TNR: variants seen among roughly 807,000 people sequenced by gnomAD.
TNR encodes tenascin R.
In TNR, 45 loss-of-function variants were observed where a neutral mutation model predicts 150.4. The observed-to-expected ratio is 0.30, with a 90% CI of 0.24 to 0.38. The LOEUF is 0.38. Ranked by LOEUF, TNR falls within the 10% of genes least tolerant of loss-of-function variation. The probability of loss-of-function intolerance (pLI) is 1.00; values close to 1 mark genes in which losing one functional copy is unlikely to be tolerated. For missense variants in TNR, 1,544 were observed against 1,759.1 expected (o/e 0.88, Z 2.19); for synonymous variants, 687 against 678.4 (o/e 1.01, Z -0.20).
At chr1:175,407,618 G>A (rs998222659) in intron 2 of TNR, among the ~76,000 whole-genome samples, 5 of 152,200 alleles carry the variant, frequency 3.3e-5, no homozygotes, top group Non-Finnish European at 7.3e-5. Flanking sequence ...AAAAGTTAGA[G>A]CTACTAAGAA....
chr1:175,319,641 T>C lies in TNR; in HGVS notation c.*3716A>G, dbSNP rs2101974081. 6.6e-6 allele frequency: 1 copy of C among 152,422 alleles called. No homozygotes were observed. The allele number at this position is 152,422 out of a possible 1,614,324, so 9.4% of individuals were successfully genotyped here. On this transcript the variant is annotated 3_prime_UTR_variant, in exon 23 of 23. Transcript: ENST00000367674. ...ACAGGTGGATTCAAATATTTGTAGA[T>C]GTTTGCTTTGCATTTCCTTGCTGCC...
chr1:175,438,015 C>T (rs538311725), intron 2 of TNR, among the ~76,000 whole-genome samples: 8 of 152,292 alleles, frequency 5.3e-5, no homozygotes, highest in Admixed American at 3.9e-4. Context: ...GGAATCCGCC[C>T]TAACTCATTT....
At chr1:175,654,096 G>A (rs1665097655) in intron 1 of TNR, among the ~76,000 whole-genome samples, 1 of 152,144 alleles carries the variant, frequency 6.6e-6, no homozygotes. Flanking sequence ...AAAGCACACT[G>A]GTTTGATGCT....
chr1:175,542,032 C>T (rs970372676), intron 1 of TNR, among the ~76,000 whole-genome samples: 1 of 152,102 alleles, frequency 6.6e-6, no homozygotes, highest in Non-Finnish European at 1.5e-5. Flanking sequence ...ATCAGAAGAA[C>T]CTCCTGGCAC....
At position 175,712,099 on chromosome 1, in the gene TNR, T is replaced by C. The variant is rs574377897; in HGVS notation, c.-165+31127A>G. Among the ~76,000 whole-genome samples, 128 of 152,296 alleles carry C rather than the reference T, an allele frequency of 8.4e-4. No homozygotes were observed. In the Middle Eastern group the frequency reaches 0.014, roughly 16 times the overall value. ...ACTGCCATCATCTCTACCCCACTAT[T>C]GATAACTGCTATGTGCCAGGCACTG... On this transcript the variant is annotated intron_variant, in intron 1 of 22. Coordinates refer to ENST00000367674, the MANE Select transcript of TNR (RefSeq NM_003285.3).
At chr1:175,475,993 A>G (rs1211736215) in intron 2 of TNR, among the ~76,000 whole-genome samples, 2 of 152,236 alleles carry the variant, frequency 1.3e-5, no homozygotes, top group Non-Finnish European at 2.9e-5. Context: ...AAAGCCAATG[A>G]TGTGAACAAA....
intron 1 of TNR, among the ~76,000 whole-genome samples, chr1:175,726,521 A>C (rs1667484644): frequency 6.6e-6 from 1 of 152,254 alleles, no homozygotes; most frequent in African/African-American, 2.4e-5. Context: ...GGTGTTGTTC[A>C]GTGAGTTTTC....
intron 1 of TNR, among the ~76,000 whole-genome samples, chr1:175,622,633 T>C (rs1664017398): frequency 6.6e-6 from 1 of 152,186 alleles, no homozygotes; most frequent in South Asian, 2.1e-4. Context: ...CCCAGAACTC[T>C]CTAGACTGCT....
intron 20 of TNR, among the ~76,000 whole-genome samples, chr1:175,331,050 T>TTTCTTTCTTTCCTTCCTTCCTTCC: frequency 2.2e-4 from 21 of 95,808 alleles, no homozygotes; most frequent in African/African-American, 8.7e-4. Flanking sequence ...TCTTTCTTTC[T>TTTCTTTCTTTCCTTCCTTCCTTCC]TTCTTTCTTT....
At chr1:175,324,827 C>T (rs530395065) in intron 21 of TNR, among the ~76,000 whole-genome samples, 3 of 151,310 alleles carry the variant, frequency 2.0e-5, no homozygotes, top group Non-Finnish European at 2.9e-5. Flanking sequence ...CCAGCCTGTA[C>T]GTGGACACAG....
intron 18 of TNR, among the ~76,000 whole-genome samples, chr1:175,351,942 G>A (rs1192080359): frequency 6.6e-6 from 1 of 152,338 alleles, no homozygotes; most frequent in South Asian, 2.1e-4. Context: ...GTCAACTGGA[G>A]TCTTGTAAAC....
chr1:175,512,598 C>T (rs917429829), intron 2 of TNR, among the ~76,000 whole-genome samples: 2 of 152,150 alleles, frequency 1.3e-5, no homozygotes, highest in African/African-American at 4.8e-5. Context: ...ATATTCTCTG[C>T]CTAGGAATTT....
chr1:175,485,788 C>G (rs1657988205), intron 2 of TNR, among the ~76,000 whole-genome samples: 1 of 152,170 alleles, frequency 6.6e-6, no homozygotes, highest in African/African-American at 2.4e-5. Flanking sequence ...GCACGGCGAG[C>G]TTGCAATGGC....
At chr1:175,686,636 T>A (rs188845102) in intron 1 of TNR, among the ~76,000 whole-genome samples, 2 of 152,300 alleles carry the variant, frequency 1.3e-5, no homozygotes, top group East Asian at 3.9e-4. Flanking sequence ...TTAACCCTTG[T>A]CCCCTCCATC....
At chr1:175,636,854 AC>A (rs1231310618) in intron 1 of TNR, among the ~76,000 whole-genome samples, 1 of 152,224 alleles carries the variant, frequency 6.6e-6, no homozygotes, top group East Asian at 1.9e-4. Context: ...AAAAAGAATG[AC>A]AATATGTCAA....
chr1:175,365,758 C>T (rs2102014046), intron 11 of TNR, 117 bp downstream of exon 11: 1 of 1,434,598 alleles, frequency 7.0e-7, no homozygotes, highest in Non-Finnish European at 9.4e-7. Flanking sequence ...CTTTTCTACC[C>T]ACCTCTCTTT....
At chr1:175,699,859 A>G (rs1036461153) in intron 1 of TNR, among the ~76,000 whole-genome samples, 3 of 151,978 alleles carry the variant, frequency 2.0e-5, no homozygotes, top group African/African-American at 7.2e-5. Flanking sequence ...GCTTGTGTGC[A>G]TTTCCAAGAA....
intron 2 of TNR, among the ~76,000 whole-genome samples, chr1:175,427,888 C>CCCTTCCTT (rs765901559): frequency 2.2e-4 from 14 of 63,438 alleles, no homozygotes; most frequent in African/African-American, 7.5e-4. Flanking sequence ...CTCCCTTCTT[C>CCCTTCCTT]GCTTCCTTCC....
chr1:175,508,094 A>C (rs1659029586), intron 2 of TNR, among the ~76,000 whole-genome samples: 2 of 152,038 alleles, frequency 1.3e-5, no homozygotes, highest in South Asian at 2.1e-4. Context: ...GAAAGATCAC[A>C]CAGGAGGGTC....
Sources: allele counts gnomAD v4.1 joint callset (sites outside exome capture counted in the v4.1 genomes callset), GRCh38; gene constraint gnomAD v4.1.1; transcripts MANE v1.5; gene names NCBI Gene and HGNC (gene_info 2026-07-23, HGNC 2026-07-21).